Variants in DRC11 observed in about 807,000 individuals in gnomAD.
DRC11 encodes the protein IQ and AAA domain-containing protein 1.
At chr2:236,331,485 C>T in the DRC11 span, 2 of 1,613,950 alleles carry the variant, frequency 1.2e-6, no homozygotes, top group Non-Finnish European at 1.7e-6. This position sits in a 1 kb window ranked among gnomAD's most constrained non-coding sequence, Gnocchi z 4.8. Context: ...CGCCTTTAAC[C>T]ACTTCGACTA....
chr2:236,479,373 A>G, the DRC11 span, among the ~76,000 whole-genome samples: 4 of 152,138 alleles, frequency 2.6e-5, no homozygotes, highest in Non-Finnish European at 5.9e-5. The surrounding 1 kb of genome is among the most constrained non-coding windows in gnomAD (Gnocchi z 4.1). Flanking sequence ...AGAATGTACT[A>G]CTGCCATTTA....
chr2:236,339,388 G>A, the DRC11 span, among the ~76,000 whole-genome samples: 5 of 152,234 alleles, frequency 3.3e-5, no homozygotes, highest in South Asian at 6.2e-4. Flanking sequence ...CTTTCTTGAG[G>A]ATGTCCTTTG....
At chr2:236,344,159 A>G in the DRC11 span, among the ~76,000 whole-genome samples, 1,240 of 152,300 alleles carry the variant, frequency 8.1e-3, 18 homozygotes, top group African/African-American at 0.029. Flanking sequence ...TGGTGCACTT[A>G]GCAGTTCTGC....
the DRC11 span, among the ~76,000 whole-genome samples, chr2:236,487,496 T>C: frequency 6.6e-6 from 1 of 151,944 alleles, no homozygotes; most frequent in Non-Finnish European, 1.5e-5. Flanking sequence ...TAAGTAACCC[T>C]AGCCTCTATT....
chr2:236,373,358 C>T, the DRC11 span, among the ~76,000 whole-genome samples: 18 of 151,650 alleles, frequency 1.2e-4, no homozygotes, highest in East Asian at 7.8e-4. Flanking sequence ...TCAAGCGATT[C>T]TCCTGCCTCA....
the DRC11 span, among the ~76,000 whole-genome samples, chr2:236,469,702 C>T: frequency 6.6e-6 from 1 of 152,184 alleles, no homozygotes; most frequent in African/African-American, 2.4e-5. The surrounding 1 kb of genome is among the most constrained non-coding windows in gnomAD (Gnocchi z 5.8). Flanking sequence ...AAGGTTATAA[C>T]ATATTTAGGT....
chr2:236,460,711 G>A, the DRC11 span, among the ~76,000 whole-genome samples: 1 of 152,160 alleles, frequency 6.6e-6, no homozygotes, highest in South Asian at 2.1e-4. The surrounding 1 kb of genome is among the most constrained non-coding windows in gnomAD (Gnocchi z 4.0). Flanking sequence ...AGTTTCTAGT[G>A]TATCCTTCCT....
the DRC11 span, chr2:236,333,041 C>T: frequency 2.0e-5 from 3 of 152,206 alleles, no homozygotes; most frequent in South Asian, 6.2e-4. This position sits in a 1 kb window ranked among gnomAD's most constrained non-coding sequence, Gnocchi z 6.0. Context: ...CTAGTCTTAT[C>T]CGTAAAACAG....
At chr2:236,336,437 G>A in the DRC11 span, among the ~76,000 whole-genome samples, 2 of 57,092 alleles carry the variant, frequency 3.5e-5, no homozygotes, top group South Asian at 3.7e-4. The surrounding 1 kb of genome is among the most constrained non-coding windows in gnomAD (Gnocchi z 7.3). Flanking sequence ...CTGCCACCAC[G>A]GCCACCACCA....
At chr2:236,417,733 C>A in the DRC11 span, among the ~76,000 whole-genome samples, 1 of 151,984 alleles carries the variant, frequency 6.6e-6, no homozygotes, top group Non-Finnish European at 1.5e-5. Context: ...CCCCTTGCCC[C>A]CCATCCCCTA....
chr2:236,354,702 T>C, the DRC11 span, among the ~76,000 whole-genome samples: 1 of 152,210 alleles, frequency 6.6e-6, no homozygotes, highest in African/African-American at 2.4e-5. Flanking sequence ...CACTGCCTGA[T>C]ACACAACACC....
At chr2:236,485,571 A>G in the DRC11 span, among the ~76,000 whole-genome samples, 2 of 152,358 alleles carry the variant, frequency 1.3e-5, no homozygotes, top group South Asian at 4.1e-4. Context: ...TGAGCAGGTC[A>G]ACAAAGCCCC....
At chr2:236,486,487 A>T in the DRC11 span, among the ~76,000 whole-genome samples, 2 of 152,138 alleles carry the variant, frequency 1.3e-5, no homozygotes, top group African/African-American at 4.8e-5. The surrounding 1 kb of genome is among the most constrained non-coding windows in gnomAD (Gnocchi z 5.7). Context: ...CCAGAAAAAA[A>T]AAAAAGCCAG....
At chr2:236,465,669 G>T in the DRC11 span, 1 of 1,613,122 alleles carries the variant, frequency 6.2e-7, no homozygotes, top group Non-Finnish European at 8.5e-7. The surrounding 1 kb of genome is among the most constrained non-coding windows in gnomAD (Gnocchi z 6.2). Flanking sequence ...TTTCAGCCTG[G>T]ATTACTGTAG....
At chr2:236,359,036 GC>G in the DRC11 span, among the ~76,000 whole-genome samples, 2 of 151,770 alleles carry the variant, frequency 1.3e-5, no homozygotes, top group African/African-American at 4.8e-5. This position sits in a 1 kb window ranked among gnomAD's most constrained non-coding sequence, Gnocchi z 4.3. Flanking sequence ...AGTGAGAATG[GC>G]CCCCGCCCTC....
At chr2:236,331,477 C>G in the DRC11 span, 1 of 1,613,992 alleles carries the variant, frequency 6.2e-7, no homozygotes, top group East Asian at 2.2e-5. The surrounding 1 kb of genome is among the most constrained non-coding windows in gnomAD (Gnocchi z 4.8). Context: ...TGTGAGCACG[C>G]CTTTAACCAC....
chr2:236,353,176 CATTA>C, the DRC11 span, among the ~76,000 whole-genome samples: 2 of 152,236 alleles, frequency 1.3e-5, no homozygotes, highest in Admixed American at 6.5e-5. The surrounding 1 kb of genome is among the most constrained non-coding windows in gnomAD (Gnocchi z 5.0). Context: ...CGGACAATTA[CATTA>C]ATTAATTCGT....
the DRC11 span, chr2:236,503,505 T>C: frequency 2.7e-5 from 26 of 973,828 alleles, no homozygotes; most frequent in Non-Finnish European, 2.7e-5. This position sits in a 1 kb window ranked among gnomAD's most constrained non-coding sequence, Gnocchi z 4.9. Flanking sequence ...TTCCGGGTCC[T>C]GCCATTTCTT....
the DRC11 span, chr2:236,488,251 C>A: frequency 8.0e-7 from 1 of 1,244,008 alleles, no homozygotes; most frequent in Non-Finnish European, 1.1e-6. Context: ...CAATTGATCC[C>A]AGACACATCA....
Sources: gnomAD v4.1 joint callset for allele counts (sites outside exome capture counted in the v4.1 genomes callset) on GRCh38, gnomAD v4.1.1 for gene constraint, Gnocchi (gnomAD v3.1) non-coding constraint, MANE v1.5 for transcripts, NCBI Gene and HGNC (gene_info 2026-07-23, HGNC 2026-07-21) for gene names.